The following GRIK4 variants were observed in gnomAD, a reference collection of about 807,000 sequenced individuals.
GRIK4 encodes the protein glutamate ionotropic receptor kainate type subunit 4.
GRIK4 carries 40 observed loss-of-function variants against 104.9 expected under a neutral mutation model. That is an observed-to-expected ratio of 0.38 (90% CI 0.30 to 0.50). The LOEUF is 0.50. Ranked by LOEUF, GRIK4 falls within the 20% of genes least tolerant of loss-of-function variation. The pLI is 0.93. For missense variants in GRIK4, 1,047 were observed against 1,308.1 expected (o/e 0.80, Z 3.08); for synonymous variants, 485 against 524.9 (o/e 0.92, Z 1.04).
intron 1 of GRIK4, among the ~76,000 whole-genome samples, chr11:120,588,473 C>T (rs1162692536): frequency 2.6e-5 from 4 of 152,038 alleles, no homozygotes; most frequent in Admixed American, 2.0e-4. Flanking sequence ...CAGGGTCTTT[C>T]CTTGGCTAAT....
rs1038089552 is a variant in GRIK4, at chr11:120,642,368, C to T, written c.-158-11317C>T. On this transcript the variant is annotated intron_variant, in intron 1 of 20. Transcript: ENST00000527524. ...AAACAAAACAAAACAGGTCACTGAG[C>T]CAGTACTATCACGAAAAGAACATTG... Among the ~76,000 whole-genome samples, 7 of 152,168 alleles carry T rather than the reference C, an allele frequency of 4.6e-5. No individual in the cohort carries two copies. The South Asian group carries it at 1.5e-3, about 32-fold the overall frequency.
intron 11 of GRIK4, among the ~76,000 whole-genome samples, chr11:120,891,981 G>A (rs921199998): frequency 1.3e-5 from 2 of 152,208 alleles, no homozygotes; most frequent in African/African-American, 2.4e-5. Context: ...CACAGTGCAC[G>A]AATGAATGGG....
intron 1 of GRIK4, among the ~76,000 whole-genome samples, chr11:120,534,966 G>A (rs975818367): frequency 1.3e-5 from 2 of 152,166 alleles, no homozygotes; most frequent in Non-Finnish European, 2.9e-5. Context: ...GGATGATCCC[G>A]GGCAAACCTG....
intron 2 of GRIK4, among the ~76,000 whole-genome samples, chr11:120,654,117 C>T (rs1267953599): frequency 1.3e-5 from 2 of 152,262 alleles, no homozygotes; most frequent in Admixed American, 6.5e-5. Flanking sequence ...GACATACCTG[C>T]TTTCAACCTA....
At chr11:120,981,956 G>C in intron 19 of GRIK4, 150 bp from the exon 20 acceptor site, 1 of 662,634 alleles carries the variant, frequency 1.5e-6, no homozygotes, top group Non-Finnish European at 2.7e-6. Flanking sequence ...TCAAGGACTG[G>C]GTGTCTACAT....
At chr11:120,859,177 CTGAA>C (rs1954195471) in intron 8 of GRIK4, 1 of 151,940 alleles carries the variant, frequency 6.6e-6, no homozygotes, top group Admixed American at 6.6e-5. Context: ...ACTTGTGGAA[CTGAA>C]GAGGCAGAAA....
chr11:120,535,406 A>G (rs1291119509), intron 1 of GRIK4, among the ~76,000 whole-genome samples: 1 of 151,224 alleles, frequency 6.6e-6, no homozygotes, highest in Non-Finnish European at 1.5e-5. Flanking sequence ...AGGAGGGAAG[A>G]AGGAGTTTGG....
chr11:120,882,168 C>T (rs1381460612), intron 11 of GRIK4, among the ~76,000 whole-genome samples: 1 of 152,146 alleles, frequency 6.6e-6, no homozygotes, highest in African/African-American at 2.4e-5. Flanking sequence ...TTACTATGAG[C>T]TGACCCCATC....
rs143909529 is a variant in GRIK4, at chr11:120,980,696, G to A, written c.2396-1410G>A. On this transcript the variant is annotated intron_variant, in intron 19 of 20. Transcript: ENST00000527524. ...CCTATTTTTGATTGTTCAAAATACA[G>A]GATTCCCACATTCACACAGGTACTC... is the stretch of plus-strand genomic sequence containing the variant. 3.3e-3 allele frequency among the ~76,000 whole-genome samples: 499 copies of A among 152,236 alleles called. 4 individuals carry two copies. The highest frequency in any genetic ancestry group is 0.01 in the African/African-American group (427 of 41,544).
In GRIK4 at chr11:120,607,160, G is replaced by A. The variant is rs1349933237; in HGVS notation, c.-158-46525G>A. 7.2e-5 allele frequency among the ~76,000 whole-genome samples: 11 copies of A among 152,264 alleles called. No individual in the cohort carries two copies. In the East Asian group the frequency reaches 1.4e-3, roughly 19 times the overall value. On this transcript the variant is annotated intron_variant, in intron 1 of 20. Transcript: ENST00000527524. Reference sequence around the variant, plus strand: ...TCCAGGTGAGAAATGAGGAGGAGGAGGAGGACAGGCTTCGGGGAGACATTC... The same window carrying A: ...TCCAGGTGAGAAATGAGGAGGAGGAAGAGGACAGGCTTCGGGGAGACATTC...
intron 4 of GRIK4, among the ~76,000 whole-genome samples, chr11:120,809,595 A>G (rs931302600): frequency 2.6e-5 from 4 of 152,262 alleles, no homozygotes; most frequent in African/African-American, 4.8e-5. Context: ...CAAACATTTA[A>G]TGAGCAATTT....
chr11:120,713,716 T>C (rs1010581721), intron 3 of GRIK4, among the ~76,000 whole-genome samples: 1 of 152,176 alleles, frequency 6.6e-6, no homozygotes, highest in Non-Finnish European at 1.5e-5. Flanking sequence ...TACGAGGGAC[T>C]TGATGAGTCG....
chr11:120,832,153 C>T (rs978978974), intron 7 of GRIK4, 123 bp downstream of exon 7: 2 of 588,896 alleles, frequency 3.4e-6, no homozygotes, highest in African/African-American at 1.9e-5. Context: ...TTACAAACCT[C>T]TCTCTGTGCT....
At chr11:120,777,965 G>A (rs1351041599) in intron 3 of GRIK4, among the ~76,000 whole-genome samples, 2 of 151,274 alleles carry the variant, frequency 1.3e-5, no homozygotes, top group East Asian at 1.9e-4. Context: ...AAAAAAGGAC[G>A]AAATAAAGTA....
chr11:120,757,304 C>T (rs948472438), intron 3 of GRIK4, among the ~76,000 whole-genome samples: 1 of 152,218 alleles, frequency 6.6e-6, no homozygotes, highest in African/African-American at 2.4e-5. Flanking sequence ...GTGGTGTGGC[C>T]AATGGGAGTA....
intron 1 of GRIK4, among the ~76,000 whole-genome samples, chr11:120,590,923 C>A (rs532523331): frequency 9.9e-5 from 15 of 152,218 alleles, no homozygotes; most frequent in Admixed American, 9.2e-4. Context: ...CCCCGGCTTC[C>A]ATCCTTCCCG....
intron 3 of GRIK4, among the ~76,000 whole-genome samples, chr11:120,732,784 C>T (rs976037185): frequency 6.6e-6 from 1 of 152,160 alleles, no homozygotes; most frequent in South Asian, 2.1e-4. Flanking sequence ...GAATGATCCA[C>T]GTGCTGAGAA....
rs747267846 is a variant in GRIK4, at chr11:120,802,895, G to A, written c.247+38G>A. 32 of 1,578,974 alleles carry A rather than the reference G, an allele frequency of 2.0e-5. No individual in the cohort carries two copies. The Middle Eastern group carries it at 6.7e-4, about 33-fold the overall frequency. ...GGCAGGGCTGCCTCTTCCCTTGCTGGCAGAGGATGGATGAGCAGTGGTGTG... is the reference window on the plus strand; with the variant it reads ...GGCAGGGCTGCCTCTTCCCTTGCTGACAGAGGATGGATGAGCAGTGGTGTG... On this transcript the variant is annotated intron_variant, in intron 4 of 20. Coordinates refer to ENST00000527524, the MANE Select transcript of GRIK4 (RefSeq NM_014619.5).
At chr11:120,944,584 A>T (rs1440068593) in intron 14 of GRIK4, among the ~76,000 whole-genome samples, 1 of 152,190 alleles carries the variant, frequency 6.6e-6, no homozygotes, top group Non-Finnish European at 1.5e-5. Context: ...GAGTTCTCAA[A>T]TATACTGGGT....
Sources: allele counts gnomAD v4.1 joint callset (sites outside exome capture counted in the v4.1 genomes callset), GRCh38; gene constraint gnomAD v4.1.1; transcripts MANE v1.5; gene names NCBI Gene and HGNC (gene_info 2026-07-23, HGNC 2026-07-21).